Variants in MRAP2 observed in about 807,000 individuals in gnomAD.
MRAP2 encodes the protein melanocortin 2 receptor accessory protein 2, also known as melanocortin-2 receptor accessory protein 2.
In MRAP2, 20 loss-of-function variants were observed where a neutral mutation model predicts 17.4. The observed-to-expected ratio is 1.15, with a 90% confidence interval of 0.81 to 1.67. MRAP2 has a LOEUF of 1.67. Among genes scored for constraint, MRAP2 ranks in the 40% most tolerant of loss-of-function variants. The pLI is 0.00. For synonymous variants in MRAP2, 96 were observed against 88.4 expected (o/e 1.09, Z -0.48); for missense variants, 238 against 240.0 (o/e 0.99, Z 0.05).
intron 3 of MRAP2, among the ~76,000 whole-genome samples, chr6:84,081,553 T>A (rs1350430342): frequency 6.6e-6 from 1 of 152,226 alleles, no homozygotes; most frequent in Non-Finnish European, 1.5e-5. Flanking sequence ...GCACAGTGGC[T>A]CATGCCTATA....
chr6:84,094,736 G>T (rs529274270), downstream of MRAP2, among the ~76,000 whole-genome samples: 1 of 151,818 alleles, frequency 6.6e-6, no homozygotes, highest in South Asian at 2.1e-4. Context: ...TCTGTTGCCA[G>T]GCTGGAGTGC....
Position 84,089,017 on chromosome 6 carries a change from C to T in MRAP2, c.228-74C>T, listed in dbSNP as rs536624658. 6.7e-4 allele frequency: 1,013 copies of T among 1,501,930 alleles called. 7 individuals carry two copies. The African/African-American group carries it at 0.012, about 18-fold the overall frequency. 93.0% of individuals were successfully genotyped at this position (1,501,930 alleles called of 1,614,324 possible). A position where few individuals can be genotyped will look rare whatever the true frequency, so the allele number is the denominator to read the frequency against. On this transcript the variant is annotated intron_variant, in intron 3 of 3. Transcript: ENST00000257776. Reference sequence around the variant, plus strand: ...AGTGGAAATGTGCTGGCCTGCCCTACGTGCAGAAAACCATGATTCTGCAGG... The same window carrying T: ...AGTGGAAATGTGCTGGCCTGCCCTATGTGCAGAAAACCATGATTCTGCAGG...
At chr6:84,037,117 G>T (rs1336625227) in intron 1 of MRAP2, among the ~76,000 whole-genome samples, 1 of 150,228 alleles carries the variant, frequency 6.7e-6, no homozygotes, top group Non-Finnish European at 1.5e-5. Flanking sequence ...CACTAGATTA[G>T]CTAGACACAG....
At chr6:84,061,964 A>C in intron 2 of MRAP2, 4 of 985,462 alleles carry the variant, frequency 4.1e-6, no homozygotes, top group Non-Finnish European at 4.8e-6. Flanking sequence ...TTTGTACAGA[A>C]ATAAAGCACA....
intron 1 of MRAP2, among the ~76,000 whole-genome samples, chr6:84,043,274 C>T (rs1289425501): frequency 6.6e-6 from 1 of 152,182 alleles, no homozygotes; most frequent in Non-Finnish European, 1.5e-5. Flanking sequence ...TATGAGGACT[C>T]AGTGAGAGGC....
the MRAP2 span, among the ~76,000 whole-genome samples, chr6:84,137,549 C>T: frequency 9.3e-3 from 1,412 of 151,844 alleles, 16 homozygotes; most frequent in African/African-American, 0.032. Context: ...AAAAATAAAA[C>T]CCCACAAATG....
intron 3 of MRAP2, 168 bp downstream of exon 3, chr6:84,063,160 G>T (rs1176095101): frequency 3.0e-6 from 3 of 985,202 alleles, no homozygotes; most frequent in Non-Finnish European, 3.6e-6. Flanking sequence ...TATTCTCCTG[G>T]CTTTTTGTTT....
At chr6:84,054,726 A>G (rs944195382) in intron 1 of MRAP2, among the ~76,000 whole-genome samples, 1 of 152,004 alleles carries the variant, frequency 6.6e-6, no homozygotes, top group Non-Finnish European at 1.5e-5. Context: ...TTCTTACAGA[A>G]CTCTCTGTCC....
the MRAP2 span, among the ~76,000 whole-genome samples, chr6:84,110,298 G>A: frequency 6.6e-6 from 1 of 152,142 alleles, no homozygotes; most frequent in Non-Finnish European, 1.5e-5. Context: ...GCCATGAGAT[G>A]GTATCTCATT....
At chr6:84,068,624 GTTTGTTTTTTTGTTT>G (rs1190122674) in intron 3 of MRAP2, among the ~76,000 whole-genome samples, 33 of 151,600 alleles carry the variant, frequency 2.2e-4, no homozygotes, top group Admixed American at 2.0e-4. Flanking sequence ...TTATTCCTAA[GTTTGTTTTTTTGTTT>G]TTTGTTTTTT....
At chr6:84,093,731 A>G (rs1259449903), downstream of MRAP2, among the ~76,000 whole-genome samples, 5 of 152,186 alleles carry the variant, frequency 3.3e-5, no homozygotes, top group Non-Finnish European at 1.5e-5. Flanking sequence ...ACATGTCACA[A>G]TACATTTTAA....
At chr6:84,126,407 G>A in the MRAP2 span, 22 of 1,602,722 alleles carry the variant, frequency 1.4e-5, no homozygotes, top group Non-Finnish European at 1.9e-5. Flanking sequence ...CTTTGTGCAT[G>A]TCTCATTTCC....
At chr6:84,085,200 AC>A (rs2099500107) in intron 3 of MRAP2, among the ~76,000 whole-genome samples, 1 of 150,582 alleles carries the variant, frequency 6.6e-6, no homozygotes, top group Non-Finnish European at 1.5e-5. Flanking sequence ...GACTACAGGC[AC>A]CCGCCACTGT....
chr6:84,072,372 A>G (rs1010425245), intron 3 of MRAP2, among the ~76,000 whole-genome samples: 11 of 152,262 alleles, frequency 7.2e-5, no homozygotes, highest in South Asian at 2.1e-4. Context: ...CAGCAAGTCT[A>G]CCTGGCTCTG....
chr6:84,069,591 G>A (rs2099495684), intron 3 of MRAP2, among the ~76,000 whole-genome samples: 1 of 152,054 alleles, frequency 6.6e-6, no homozygotes, highest in Non-Finnish European at 1.5e-5. Flanking sequence ...TTAGTATTGG[G>A]GTGATGCTGG....
At chr6:84,082,498 T>C (rs557168860) in intron 3 of MRAP2, among the ~76,000 whole-genome samples, 342 of 152,346 alleles carry the variant, frequency 2.2e-3, no homozygotes, top group African/African-American at 7.8e-3. Flanking sequence ...CATTTTACTT[T>C]AGAACAAAAA....
chr6:84,099,357 A>G, the MRAP2 span, among the ~76,000 whole-genome samples: 1 of 151,774 alleles, frequency 6.6e-6, no homozygotes, highest in African/African-American at 2.4e-5. Flanking sequence ...CATTCTATTC[A>G]CCTGTTTGAC....
Position 84,059,461 on chromosome 6 carries a change from ACC to A in MRAP2, c.128-3430_128-3429del, listed in dbSNP as rs759581630. On this transcript the variant is annotated intron_variant, in intron 2 of 3. Transcript: ENST00000257776. ...AACCTCTCTTTCAAGTGAAGTATTAACCCTTGTTTTTCATATAACCACGAAGT... is the reference window on the plus strand; with the variant it reads ...AACCTCTCTTTCAAGTGAAGTATTAACTTGTTTTTCATATAACCACGAAGT... Among the ~76,000 whole-genome samples the A allele has an allele frequency of 9.7e-4, 147 of 152,282 alleles. 2 individuals carry two copies. The highest frequency in any genetic ancestry group is 1.2e-3 in the South Asian group (6 of 4,818).
At chr6:84,141,655 T>C in the MRAP2 span, among the ~76,000 whole-genome samples, 72 of 152,296 alleles carry the variant, frequency 4.7e-4, no homozygotes, top group African/African-American at 1.7e-3. Context: ...CAGAAAGTAC[T>C]CCAGCCTGAT....
Sources: gnomAD v4.1 joint callset for allele counts (sites outside exome capture counted in the v4.1 genomes callset) on GRCh38, gnomAD v4.1.1 for gene constraint, MANE v1.5 for transcripts, NCBI Gene and HGNC (gene_info 2026-07-23, HGNC 2026-07-21) for gene names.